MTREX: variants seen among roughly 807,000 people sequenced by gnomAD.
The protein encoded by MTREX is exosome RNA helicase MTR4.
A neutral mutation model predicts 135.4 loss-of-function variants in MTREX; 76 were observed. The ratio of observed to expected loss-of-function variants is 0.56; its 90% CI spans 0.47 to 0.68. The LOEUF (loss-of-function observed/expected upper bound fraction) is 0.68. Ranked by LOEUF, MTREX falls within the 30% of genes least tolerant of loss-of-function variation. The pLI, the probability that MTREX is intolerant of heterozygous loss-of-function variation, is 0.00. For synonymous variants in MTREX, 404 were observed against 401.6 expected, an observed-to-expected ratio of 1.01 and a Z score of -0.07; for missense variants, 920 against 1,262.1, an observed-to-expected ratio of 0.73 and a Z score of 4.11.
chr5:55,358,979 C>T (rs1425734694), intron 15 of MTREX, among the ~76,000 whole-genome samples: 1 of 152,142 alleles, frequency 6.6e-6, no homozygotes, highest in Admixed American at 6.5e-5. Flanking sequence ...TAAGAAATCT[C>T]TTTATTTGAC....
At chr5:55,334,046 A>C (rs1749515678) in intron 5 of MTREX, among the ~76,000 whole-genome samples, 2 of 152,152 alleles carry the variant, frequency 1.3e-5, no homozygotes, top group Non-Finnish European at 2.9e-5. Flanking sequence ...GCTTGAAAAC[A>C]TTATGCGTAC....
rs911177107 is a variant in MTREX, at chr5:55,425,463, TAAAAAATTAG to T, written c.*693_*702del. 5 of 858,678 alleles carry T rather than the reference TAAAAAATTAG, an allele frequency of 5.8e-6. No homozygotes were observed. The highest frequency in any genetic ancestry group is 7.1e-5 in the Admixed American group (2 of 28,320). The allele number at this position is 858,678 out of a possible 1,614,324, so 53.2% of individuals were successfully genotyped here. A position where few individuals can be genotyped will look rare whatever the true frequency, so the allele number is the denominator to read the frequency against. The stretch of plus-strand genomic sequence containing the variant: ...CTTTGAGGTGTACAGATTAAGCATA[TAAAAAATTAG>T]AGACTAACTGGGATTTTTTAAAGAT... On this transcript the variant is annotated 3_prime_UTR_variant, in exon 27 of 27. Transcript: ENST00000230640.
chr5:55,357,767 A>G (rs1749944713), intron 14 of MTREX, among the ~76,000 whole-genome samples: 1 of 152,192 alleles, frequency 6.6e-6, no homozygotes, highest in Admixed American at 6.5e-5. Context: ...AAGAGTACAC[A>G]TGCACTTACA....
At chr5:55,309,206 G>A (rs1364793536) in intron 1 of MTREX, among the ~76,000 whole-genome samples, 1 of 152,120 alleles carries the variant, frequency 6.6e-6, no homozygotes, top group African/African-American at 2.4e-5. Flanking sequence ...TTCATTTAGG[G>A]ACTACAAGAG....
chr5:55,398,806 G>C (rs1023746215), intron 20 of MTREX, among the ~76,000 whole-genome samples: 1 of 152,104 alleles, frequency 6.6e-6, no homozygotes. Flanking sequence ...ATATATTTCA[G>C]CTTTCACATT....
chr5:55,415,955 C>T lies in MTREX; in HGVS notation c.2809-15C>T. The T allele has an allele frequency of 6.4e-7, 1 of 1,563,970 alleles. No homozygotes were observed. Among genetic ancestry groups the T allele is most frequent in the Non-Finnish European group, 8.6e-7 (1 of 1,158,666 alleles). On this transcript the variant is annotated splice_polypyrimidine_tract_variant and intron_variant, in intron 24 of 26. Transcript: ENST00000230640. ...AGATCATAAGTAAGGAATTTTAACT[C>T]TTTTATCTTTAAAGGAATGTGCTAA...
chr5:55,416,069 G>C lies in MTREX; in HGVS notation c.2908G>C (p.Val970Leu). Reference protein sequence around the residue: ...SSFKPHLMDVVYTWATGATFA... With the variant: ...SSFKPHLMDVLYTWATGATFA... ...ATTTAAACCTCACTTAATGGATGTAGTATATACCTGGGCAACTGGAGCTAC... is the reference window on the plus strand; with the variant it reads ...ATTTAAACCTCACTTAATGGATGTACTATATACCTGGGCAACTGGAGCTAC... Residue 970 changes from valine to leucine, a missense_variant, in exon 25 of 27, where the codon GTA (valine) becomes CTA (leucine). Physicochemically the swap from Val to Leu is conservative, Grantham distance 32. This residue lies in a region of MTREX where 467 missense variants were observed against 589.7 expected (regional missense o/e 0.79). Coordinates refer to ENST00000230640, the MANE Select transcript of MTREX (RefSeq NM_015360.5). 6.3e-7 allele frequency: 1 copy of C among 1,598,724 alleles called. No individual in the cohort carries two copies. The highest frequency in any genetic ancestry group is 1.4e-5 in the African/African-American group (1 of 74,020).
At chr5:55,338,958 T>C (rs1404959351) in intron 5 of MTREX, among the ~76,000 whole-genome samples, 1 of 151,916 alleles carries the variant, frequency 6.6e-6, no homozygotes, top group Admixed American at 6.6e-5. Context: ...ACCTGACTAA[T>C]TTTTGTATTT....
chr5:55,387,831 A>C (rs1750502821), intron 18 of MTREX, 143 bp from the exon 19 acceptor site: 1 of 570,348 alleles, frequency 1.8e-6, no homozygotes. Flanking sequence ...GACAGTTTTC[A>C]TTTCATAAAA....
At chr5:55,316,350 C>T (rs1236336554) in intron 1 of MTREX, among the ~76,000 whole-genome samples, 1 of 152,030 alleles carries the variant, frequency 6.6e-6, no homozygotes, top group African/African-American at 2.4e-5. Context: ...CTTCAGGCCA[C>T]TATCCTTGAT....
chr5:55,325,511 A>G (rs1232380685), intron 3 of MTREX, among the ~76,000 whole-genome samples: 4 of 146,470 alleles, frequency 2.7e-5, no homozygotes, highest in African/African-American at 1.0e-4. Flanking sequence ...TTTTTTTTTT[A>G]ATTTTTTTTT....
intron 13 of MTREX, among the ~76,000 whole-genome samples, chr5:55,351,421 A>G (rs1423888107): frequency 2.0e-5 from 3 of 152,318 alleles, no homozygotes; most frequent in South Asian, 4.1e-4. Flanking sequence ...AGTCCCAGCT[A>G]CTAGGGAAGC....
intron 18 of MTREX, among the ~76,000 whole-genome samples, chr5:55,386,451 AAGTT>A (rs1211416458): frequency 1.3e-5 from 2 of 152,194 alleles, no homozygotes; most frequent in African/African-American, 4.8e-5. Flanking sequence ...AAACTAGAGT[AAGTT>A]AGCTGAGAAA....
chr5:55,333,752 T>G (rs922557851), intron 5 of MTREX, among the ~76,000 whole-genome samples: 2 of 152,126 alleles, frequency 1.3e-5, no homozygotes, highest in Non-Finnish European at 2.9e-5. Flanking sequence ...TTTGTTATAA[T>G]GTAGAATTTG....
chr5:55,396,085 A>G (rs1028757971), intron 19 of MTREX, among the ~76,000 whole-genome samples: 21 of 152,194 alleles, frequency 1.4e-4, no homozygotes, highest in Admixed American at 1.3e-3. Context: ...GGCAAAATAT[A>G]ACTAATTAGT....
chr5:55,319,052 A>G (rs1429539716), intron 1 of MTREX, among the ~76,000 whole-genome samples: 5 of 152,098 alleles, frequency 3.3e-5, no homozygotes, highest in Admixed American at 2.6e-4. Flanking sequence ...CCCATAATGC[A>G]TATGTATATG....
chr5:55,389,817 A>G (rs938180693), intron 19 of MTREX, among the ~76,000 whole-genome samples: 1 of 150,778 alleles, frequency 6.6e-6, no homozygotes, highest in Non-Finnish European at 1.5e-5. Flanking sequence ...TTAAGAAACC[A>G]TATTATATAT....
At position 55,378,014 on chromosome 5, in the gene MTREX, C is replaced by A. The variant is rs1189000338; in HGVS notation, c.1811-300C>A. ...GGAAAGGTGCAAAAAAAAAAAAAAT[C>A]ATAATGGGCAGATCTTGCTGGGTTT... is the stretch of plus-strand genomic sequence containing the variant. On this transcript the variant is annotated intron_variant, in intron 16 of 26. Transcript: ENST00000230640. 1.1e-3 allele frequency among the ~76,000 whole-genome samples: 156 copies of A among 141,614 alleles called. 1 individual carries two copies. The East Asian group carries it at 0.03, about 27-fold the overall frequency. 92.9% of individuals were successfully genotyped at this position (141,614 alleles called of 152,430 possible). A position where few individuals can be genotyped will look rare whatever the true frequency, so the allele number is the denominator to read the frequency against.
At chr5:55,378,243 A>C in intron 16 of MTREX, 71 bp from the exon 17 acceptor site, 1 of 1,461,718 alleles carries the variant, frequency 6.8e-7, no homozygotes, top group Non-Finnish European at 9.0e-7. Flanking sequence ...AATAGAAAAA[A>C]TCCTATGTCT....
Sources: allele counts gnomAD v4.1 joint callset (sites outside exome capture counted in the v4.1 genomes callset), GRCh38; gene constraint gnomAD v4.1.1; regional missense constraint gnomAD v4.1.1; transcripts MANE v1.5; gene names NCBI Gene and HGNC (gene_info 2026-07-23, HGNC 2026-07-21).